The following RIMS2 variants were observed in gnomAD, a reference collection of about 807,000 sequenced individuals.
RIMS2 encodes the protein regulating synaptic membrane exocytosis protein 2.
RIMS2 carries 59 observed loss-of-function variants against 174.4 expected under a neutral mutation model. That is an observed-to-expected ratio of 0.34 (90% confidence interval 0.27 to 0.42). The LOEUF (loss-of-function observed/expected upper bound fraction) is 0.42. RIMS2 is among the 10% of genes least tolerant of loss of function. RIMS2 has a pLI of 1.00. For synonymous variants in RIMS2, 606 were observed against 572.5 expected (o/e 1.06, Z -0.84); for missense variants, 1,620 against 1,666.3 (o/e 0.97, Z 0.48).
intron 3 of RIMS2, among the ~76,000 whole-genome samples, chr8:103,856,876 G>A (rs1238856846): frequency 6.6e-6 from 1 of 151,276 alleles, no homozygotes; most frequent in Non-Finnish European, 1.5e-5. Context: ...GCATGGTCTC[G>A]GCTCATTGCA....
intron 19 of RIMS2, among the ~76,000 whole-genome samples, chr8:104,028,557 A>G (rs1404517377): frequency 4.6e-5 from 7 of 152,196 alleles, no homozygotes; most frequent in Non-Finnish European, 1.0e-4. Flanking sequence ...GAGTTTCAGT[A>G]TAAAGCTTAA....
chr8:104,021,636 G>T (rs759139129), intron 19 of RIMS2, among the ~76,000 whole-genome samples: 1 of 152,072 alleles, frequency 6.6e-6, no homozygotes, highest in Non-Finnish European at 1.5e-5. Flanking sequence ...TTATCATAAG[G>T]TTTTTTTGTC....
At chr8:103,629,684 G>A (rs1395262459) in intron 1 of RIMS2, among the ~76,000 whole-genome samples, 2 of 151,832 alleles carry the variant, frequency 1.3e-5, no homozygotes, top group Admixed American at 1.3e-4. Context: ...TATAGATGAT[G>A]ATTAATTCCA....
At chr8:103,564,483 G>A (rs774741227) in intron 1 of RIMS2, among the ~76,000 whole-genome samples, 15 of 152,158 alleles carry the variant, frequency 9.9e-5, no homozygotes, top group Non-Finnish European at 2.1e-4. Flanking sequence ...AAGGAAGCCA[G>A]TCTGAGTCCC....
At chr8:103,850,111 C>T (rs1472081323) in intron 3 of RIMS2, among the ~76,000 whole-genome samples, 2 of 151,926 alleles carry the variant, frequency 1.3e-5, no homozygotes, top group Non-Finnish European at 2.9e-5. Context: ...AAGGTATTAA[C>T]ATTTTTCTTT....
At chr8:103,626,372 T>G (rs970167360) in intron 1 of RIMS2, among the ~76,000 whole-genome samples, 1 of 152,118 alleles carries the variant, frequency 6.6e-6, no homozygotes, top group Non-Finnish European at 1.5e-5. Flanking sequence ...AGGGCAGTCA[T>G]TGAAGAAGCA....
At chr8:103,731,161 T>G (rs2097588243) in intron 2 of RIMS2, among the ~76,000 whole-genome samples, 1 of 152,134 alleles carries the variant, frequency 6.6e-6, no homozygotes, top group Non-Finnish European at 1.5e-5. Flanking sequence ...ATGGGAATTG[T>G]GGGAGCTACA....
chr8:103,932,517 T>A (rs1404650232), intron 12 of RIMS2, among the ~76,000 whole-genome samples: 1 of 152,258 alleles, frequency 6.6e-6, no homozygotes, highest in Non-Finnish European at 1.5e-5. Flanking sequence ...TTAAGAAAGC[T>A]GTTTTTAACA....
chr8:103,903,843 C>T (rs1033855642), intron 4 of RIMS2, among the ~76,000 whole-genome samples: 1 of 152,016 alleles, frequency 6.6e-6, no homozygotes, highest in Non-Finnish European at 1.5e-5. Flanking sequence ...TAGATTTTTA[C>T]TTTGAAGTAT....
At position 103,766,054 on chromosome 8, in the gene RIMS2, A is replaced by G. The variant is rs577725825; in HGVS notation, c.388-173A>G. ...GACTATTTCATTAGAATTATTCAGAAAAATTAAAAGAAAGTATATATTATT... is the reference window on the plus strand; with the variant it reads ...GACTATTTCATTAGAATTATTCAGAGAAATTAAAAGAAAGTATATATTATT... On this transcript the variant is annotated intron_variant, in intron 2 of 23. Coordinates refer to ENST00000504942, the Ensembl canonical transcript of RIMS2. Among the ~76,000 whole-genome samples, 3 of 152,298 alleles carry G rather than the reference A, an allele frequency of 2.0e-5. No homozygotes were observed. In the South Asian group the frequency reaches 6.2e-4, roughly 32 times the overall value.
intron 2 of RIMS2, among the ~76,000 whole-genome samples, chr8:103,758,723 C>T (rs572854942): frequency 5.6e-4 from 85 of 152,266 alleles, no homozygotes; most frequent in Middle Eastern, 3.4e-3. Context: ...GTAGAAACAA[C>T]AGTCTTTCTA....
At chr8:103,610,932 A>T (rs1564005297) in intron 1 of RIMS2, among the ~76,000 whole-genome samples, 1 of 152,198 alleles carries the variant, frequency 6.6e-6, no homozygotes, top group Non-Finnish European at 1.5e-5. Flanking sequence ...GGTAGAATTC[A>T]GGCGTGAATC....
rs1171601007 is a variant in RIMS2, at chr8:103,872,647, C to G, written c.699-12651C>G. Among the ~76,000 whole-genome samples, 3 of 152,122 alleles carry G rather than the reference C, an allele frequency of 2.0e-5. No homozygotes were observed. In the East Asian group the frequency reaches 5.8e-4, roughly 29 times the overall value. On this transcript the variant is annotated intron_variant, in intron 3 of 23. Coordinates refer to ENST00000504942, the Ensembl canonical transcript of RIMS2. ...TCTCAAACTCAAGATTAAAAGAGGG[C>G]TATTGTGTTATAGGTAGTAGCACCA...
intron 10 of RIMS2, chr8:103,922,620 T>A: frequency 2.5e-6 from 1 of 399,214 alleles, no homozygotes. Context: ...AATTCAGACC[T>A]TGAATTTTGG....
intron 1 of RIMS2, among the ~76,000 whole-genome samples, chr8:103,615,883 G>A (rs796190316): frequency 1.5e-4 from 23 of 152,140 alleles, no homozygotes; most frequent in African/African-American, 5.1e-4. Context: ...GTAGTAAGTA[G>A]CCTGAAAACC....
chr8:104,115,563 A>G (rs1209635512), intron 19 of RIMS2, among the ~76,000 whole-genome samples: 1 of 152,194 alleles, frequency 6.6e-6, no homozygotes, highest in African/African-American at 2.4e-5. Flanking sequence ...AACTGCCTAC[A>G]TCAAGATAAC....
At chr8:103,893,365 A>G (rs2099258293) in intron 4 of RIMS2, among the ~76,000 whole-genome samples, 1 of 152,080 alleles carries the variant, frequency 6.6e-6, no homozygotes, top group South Asian at 2.1e-4. Context: ...TAGAAATATT[A>G]CACAAGTGAA....
At chr8:104,165,088 T>A (rs2098789042) in intron 19 of RIMS2, among the ~76,000 whole-genome samples, 1 of 152,246 alleles carries the variant, frequency 6.6e-6, no homozygotes, top group African/African-American at 2.4e-5. Flanking sequence ...CAAGGAAGGA[T>A]AATATTCTTT....
At chr8:104,049,949 C>T (rs991515454) in intron 19 of RIMS2, among the ~76,000 whole-genome samples, 1 of 152,054 alleles carries the variant, frequency 6.6e-6, no homozygotes, top group Non-Finnish European at 1.5e-5. Context: ...ATATTTTGTG[C>T]TCAGAATTAT....
Sources: gnomAD v4.1 joint callset for allele counts (sites outside exome capture counted in the v4.1 genomes callset) on GRCh38, gnomAD v4.1.1 for gene constraint, MANE v1.5 for transcripts, NCBI Gene and HGNC (gene_info 2026-07-23, HGNC 2026-07-21) for gene names.